TNRC6B: variants seen among roughly 807,000 people sequenced by gnomAD.
TNRC6B encodes trinucleotide repeat containing adaptor 6B.
TNRC6B carries 52 observed loss-of-function variants against 203.6 expected under a neutral mutation model. That is an observed-to-expected ratio of 0.26 (90% CI 0.20 to 0.32). The LOEUF (loss-of-function observed/expected upper bound fraction) is 0.32, where lower values mean the gene tolerates loss of function less well. Ranked by LOEUF, TNRC6B falls within the 10% of genes least tolerant of loss-of-function variation. TNRC6B has a pLI of 1.00. For missense variants in TNRC6B, 1,923 were observed against 2,286.2 expected, an observed-to-expected ratio of 0.84 and a Z score of 3.24; for synonymous variants, 838 against 845.7, an observed-to-expected ratio of 0.99 and a Z score of 0.16.
chr22:40,101,244 G>A (rs1252311867), intron 1 of TNRC6B, among the ~76,000 whole-genome samples: 9 of 151,996 alleles, frequency 5.9e-5, no homozygotes, highest in African/African-American at 2.2e-4. Context: ...CGCCCACCTC[G>A]GTCTCCCAAA....
chr22:40,125,344 G>A (rs2068480702), intron 2 of TNRC6B, among the ~76,000 whole-genome samples: 1 of 152,148 alleles, frequency 6.6e-6, no homozygotes, highest in Admixed American at 6.5e-5. Flanking sequence ...GGGAAACCCT[G>A]CCAATTCCAA....
At chr22:40,311,992 G>A (rs1200325692) in intron 17 of TNRC6B, among the ~76,000 whole-genome samples, 1 of 152,206 alleles carries the variant, frequency 6.6e-6, no homozygotes, top group Non-Finnish European at 1.5e-5. Flanking sequence ...GAGCCCTTAT[G>A]TATATTCTAG....
At chr22:40,226,866 AC>A (rs1363889358) in intron 1 of TNRC6B, among the ~76,000 whole-genome samples, 3 of 152,026 alleles carry the variant, frequency 2.0e-5, no homozygotes, top group Non-Finnish European at 2.9e-5. Context: ...TTGAGTGCTC[AC>A]CTTCCTGGTG....
intron 2 of TNRC6B, among the ~76,000 whole-genome samples, chr22:40,246,672 C>T (rs1485286064): frequency 1.3e-5 from 2 of 152,172 alleles, no homozygotes; most frequent in Non-Finnish European, 2.9e-5. Context: ...TTTTCAAACT[C>T]TCAACTCTTG....
chr22:40,176,267 T>C (rs2069057615), upstream of TNRC6B, among the ~76,000 whole-genome samples: 1 of 152,070 alleles, frequency 6.6e-6, no homozygotes, highest in African/African-American at 2.4e-5. Context: ...TAGCTGGGAT[T>C]ACAGGCATGT....
At chr22:40,317,678 C>T (rs907226052) in intron 21 of TNRC6B, among the ~76,000 whole-genome samples, 1 of 152,176 alleles carries the variant, frequency 6.6e-6, no homozygotes, top group South Asian at 2.1e-4. Flanking sequence ...AGACCATATC[C>T]GCTAGGTGGT....
intron 1 of TNRC6B, among the ~76,000 whole-genome samples, chr22:40,068,483 A>G (rs2067916826): frequency 6.6e-6 from 1 of 151,802 alleles, no homozygotes; most frequent in African/African-American, 2.4e-5. Context: ...ATGCCCAGCC[A>G]ATTTTTGTGT....
Position 40,325,790 on chromosome 22 carries a change from C to T in TNRC6B, c.*2549C>T, listed in dbSNP as rs2071394513. The T allele has an allele frequency of 6.5e-6, 1 of 152,728 alleles. No homozygotes were observed. Among genetic ancestry groups the T allele is most frequent in the Non-Finnish European group, 1.5e-5 (1 of 68,116 alleles). 9.5% of individuals were successfully genotyped at this position (152,728 alleles called of 1,614,324 possible). A position where few individuals can be genotyped will look rare whatever the true frequency, so the allele number is the denominator to read the frequency against. On this transcript the variant is annotated 3_prime_UTR_variant, in exon 23 of 23. Transcript: ENST00000454349. ...CCTGCGAGCCAGTGGCGACCCTGTC[C>T]ACTGCCGCTCTTGGTTCACTGCTGT...
chr22:40,277,015 A>G (rs2070653499), intron 7 of TNRC6B, 62 bp from the exon 8 acceptor site: 3 of 1,365,342 alleles, frequency 2.2e-6, no homozygotes, highest in Non-Finnish European at 3.0e-6. Flanking sequence ...GTCTGTATTA[A>G]TAAAACTCAG....
intron 1 of TNRC6B, among the ~76,000 whole-genome samples, chr22:40,183,001 A>G (rs951994066): frequency 5.3e-5 from 8 of 152,162 alleles, no homozygotes; most frequent in Non-Finnish European, 1.2e-4. Context: ...CGTCTCCACA[A>G]TACTATCCGG....
intron 3 of TNRC6B, among the ~76,000 whole-genome samples, chr22:40,132,952 A>AAATT (rs1568992950): frequency 1.0e-5 from 1 of 96,180 alleles, no homozygotes; most frequent in South Asian, 3.9e-4. Context: ...TCAAAAAAAA[A>AAATT]AAAAAAAAAA....
chr22:40,203,658 C>G (rs942499737), intron 1 of TNRC6B, among the ~76,000 whole-genome samples: 11 of 152,194 alleles, frequency 7.2e-5, no homozygotes, highest in African/African-American at 2.7e-4. Flanking sequence ...TTTCCTTATA[C>G]AGCCTGAGGT....
chr22:40,273,712 T>C, intron 7 of TNRC6B, 112 bp downstream of exon 7: 1 of 1,186,180 alleles, frequency 8.4e-7, no homozygotes, highest in African/African-American at 1.5e-5. Context: ...TCACCCAGAC[T>C]GGAGTGCAGT....
chr22:40,136,713 T>C (rs867603259), intron 3 of TNRC6B, among the ~76,000 whole-genome samples: 29 of 152,058 alleles, frequency 1.9e-4, no homozygotes, highest in African/African-American at 6.8e-4. Context: ...CTGGCCTGTA[T>C]ATTTAAATAT....
At chr22:40,270,984 A>C (rs1307367753) in intron 6 of TNRC6B, among the ~76,000 whole-genome samples, 1 of 152,222 alleles carries the variant, frequency 6.6e-6, no homozygotes, top group Non-Finnish European at 1.5e-5. Flanking sequence ...CAGTGACTTC[A>C]TCCTTCTGCA....
chr22:40,279,536 A>C (rs2070696643), intron 9 of TNRC6B, among the ~76,000 whole-genome samples: 3 of 152,168 alleles, frequency 2.0e-5, no homozygotes, highest in Non-Finnish European at 4.4e-5. Context: ...TGCCTCTTTG[A>C]TCTTTTTATT....
chr22:40,245,152 A>C (rs910768601), intron 1 of TNRC6B, among the ~76,000 whole-genome samples: 1 of 151,972 alleles, frequency 6.6e-6, no homozygotes, highest in Non-Finnish European at 1.5e-5. Flanking sequence ...GTGCAGTGGC[A>C]CTATCTTGGC....
chr22:40,300,583 G>C lies in TNRC6B; in HGVS notation c.3837G>C (p.Gln1279His), dbSNP rs1601504335. 1 of 1,603,622 alleles carries C rather than the reference G, an allele frequency of 6.2e-7. No homozygotes were observed. The highest frequency in any genetic ancestry group is 1.4e-5 in the African/African-American group (1 of 74,026). Residue 1279 changes from glutamine (Q) to histidine (H), a missense_variant, in exon 13 of 23, where the codon CAG becomes CAC. Physicochemically the swap from Gln to His is conservative, Grantham distance 24. This residue lies in a region of TNRC6B where 242 missense variants were observed against 399.5 expected (regional missense o/e 0.61). Transcript: ENST00000454349. ...LSQLPQIPQF[Q>H]LACQLLLQQQ... ...AGCTTCCACAAATTCCCCAGTTTCA[G>C]TTGGTAAGTAGAAGATTTTCTTCCT...
At chr22:40,065,716 A>G (rs2067889544) in intron 1 of TNRC6B, among the ~76,000 whole-genome samples, 1 of 152,060 alleles carries the variant, frequency 6.6e-6, no homozygotes. Flanking sequence ...TGTTTGATCC[A>G]TTTGGGTGTT....
Sources: gnomAD v4.1 joint callset for allele counts (sites outside exome capture counted in the v4.1 genomes callset) on GRCh38, gnomAD v4.1.1 for gene constraint, gnomAD v4.1.1 regional missense constraint, MANE v1.5 for transcripts, NCBI Gene and HGNC (gene_info 2026-07-23, HGNC 2026-07-21) for gene names.